ADGRV1: variants seen among roughly 807,000 people sequenced by gnomAD.
ADGRV1 encodes adhesion G protein-coupled receptor V1.
In ADGRV1, 359 loss-of-function variants were observed where a neutral mutation model predicts 596.2. That is an observed-to-expected ratio of 0.60 (90% CI 0.55 to 0.66). The LOEUF (loss-of-function observed/expected upper bound fraction) is 0.66, where lower values mean the gene tolerates loss of function less well. ADGRV1 is among the 30% of genes least tolerant of loss of function. The pLI is 0.00. For synonymous variants in ADGRV1, 2,681 were observed against 2,679.2 expected, an observed-to-expected ratio of 1.00 and a Z score of -0.02; for missense variants, 7,274 against 7,575.6, an observed-to-expected ratio of 0.96 and a Z score of 1.48.
At chr5:91,151,593 A>C (rs1325995802) in intron 88 of ADGRV1, among the ~76,000 whole-genome samples, 1 of 152,260 alleles carries the variant, frequency 6.6e-6, no homozygotes, top group African/African-American at 2.4e-5. Context: ...TCAAGAATTC[A>C]GAAATGAATC....
chr5:90,666,937 C>G (rs1771526103), intron 21 of ADGRV1, among the ~76,000 whole-genome samples: 5 of 151,790 alleles, frequency 3.3e-5, no homozygotes, highest in Admixed American at 3.3e-4. Context: ...TGAATATTGG[C>G]CCCCACTCTC....
Position 90,774,204 on chromosome 5 carries a change from A to T in ADGRV1, c.12304A>T (p.Ile4102Phe), listed in dbSNP as rs530625257. 6.2e-5 allele frequency: 100 copies of T among 1,606,064 alleles called. No individual in the cohort carries two copies. Among genetic ancestry groups the T allele is most frequent in the Non-Finnish European group, 8.1e-5 (95 of 1,174,140 alleles). The change falls in exon 60 of 90, where the codon ATT becomes TTT. Residue 4102 changes from isoleucine to phenylalanine, a missense_variant. Ile to Phe is a conservative substitution (Grantham distance 21). Around this residue, in one of 5 missense-constraint regions of ADGRV1, gnomAD observed 3,643 missense variants for 3,809.2 expected, o/e 0.96. Coordinates refer to ENST00000405460, the MANE Select transcript of ADGRV1 (RefSeq NM_032119.4). ...GATGTAGACTGAGTCCCAGAAGACC[A>T]TTGTGTTGCACACACTTCAAGACAC... Reference protein sequence around the residue: ...HFDETESQKTIVLHTLQDTVL... With the variant: ...HFDETESQKTFVLHTLQDTVL...
Position 90,985,508 on chromosome 5 carries a change from C to T in ADGRV1, c.18138C>T (p.Leu6046=), listed in dbSNP as rs758336074. Residue 6046 remains leucine (L), a synonymous_variant, in exon 85 of 90, where the codon CTC becomes CTT. Coordinates refer to ENST00000405460, the MANE Select transcript of ADGRV1 (RefSeq NM_032119.4). ...YHQSMSQIYG[L]IHGDLCFIPN... is the part of the protein sequence containing the mutation. ...AGAGCATGTCACAGATCTATGGACT[C>T]ATTCATGGTGACCTGTAAGTACACC... 1.9e-6 allele frequency: 3 copies of T among 1,613,498 alleles called. No individual in the cohort carries two copies. Among genetic ancestry groups the T allele is most frequent in the Non-Finnish European group, 2.5e-6 (3 of 1,179,514 alleles).
chr5:90,673,663 G>A (rs1169192001), intron 22 of ADGRV1, among the ~76,000 whole-genome samples: 1 of 152,084 alleles, frequency 6.6e-6, no homozygotes, highest in Non-Finnish European at 1.5e-5. Flanking sequence ...GGTGGAAGGG[G>A]CAAACAAACT....
intron 83 of ADGRV1, among the ~76,000 whole-genome samples, chr5:90,885,501 C>T (rs1418294856): frequency 6.6e-6 from 1 of 152,110 alleles, no homozygotes. Flanking sequence ...TACAAAACCT[C>T]CAGTTAAAGT....
intron 85 of ADGRV1, among the ~76,000 whole-genome samples, chr5:91,028,498 C>T (rs1784200286): frequency 6.6e-6 from 1 of 152,000 alleles, no homozygotes; most frequent in African/African-American, 2.4e-5. Context: ...TTGTCCGGCC[C>T]AATCCACACC....
intron 85 of ADGRV1, among the ~76,000 whole-genome samples, chr5:91,020,193 G>A (rs1452456413): frequency 7.2e-5 from 11 of 151,924 alleles, no homozygotes; most frequent in Admixed American, 7.2e-4. Context: ...AATTGTTCTT[G>A]TCAGGCTACC....
chr5:90,839,089 A>T (rs2438383), intron 77 of ADGRV1, among the ~76,000 whole-genome samples: 147,953 of 152,316 alleles, frequency 0.97, 71,984 homozygotes, highest in East Asian at 1. Context: ...ATGAATAATG[A>T]TAAATAAAAT....
At chr5:90,830,735 A>G (rs1387626594) in intron 77 of ADGRV1, among the ~76,000 whole-genome samples, 1 of 152,196 alleles carries the variant, frequency 6.6e-6, no homozygotes, top group Non-Finnish European at 1.5e-5. Flanking sequence ...TTAATTTTAT[A>G]TGTCAACTTG....
intron 1 of ADGRV1, among the ~76,000 whole-genome samples, chr5:90,580,500 A>C (rs963319602): frequency 2.7e-5 from 4 of 150,632 alleles, no homozygotes; most frequent in Non-Finnish European, 5.9e-5. Context: ...GTTTTATTTT[A>C]CTCTTTTTTC....
Position 90,810,399 on chromosome 5 carries a change from G to T in ADGRV1, c.15139G>T (p.Gly5047Ter). Residue 5047 changes from glycine to a stop codon, truncating the protein, a stop_gained, in exon 74 of 90, where the codon GGA becomes TGA. Coordinates refer to ENST00000405460, the MANE Select transcript of ADGRV1 (RefSeq NM_032119.4). LOFTEE classifies it high-confidence loss of function. ...TAAAGTTTCTTATCAGACCACTGCA[G>T]GAAGCGCCAAGCCACTGGAAGATTT... ...LIKVSYQTTAGSAKPLEDFEP... is the reference protein window; with the variant it reads ...LIKVSYQTTA 6.2e-7 allele frequency: 1 copy of T among 1,613,852 alleles called. No homozygotes were observed.
intron 83 of ADGRV1, among the ~76,000 whole-genome samples, chr5:90,958,841 A>C (rs1193273094): frequency 6.6e-6 from 1 of 152,200 alleles, no homozygotes; most frequent in African/African-American, 2.4e-5. Flanking sequence ...GGACTTCAAC[A>C]TGTGAATTTG....
chr5:91,107,777 A>G (rs1480720391), intron 87 of ADGRV1, among the ~76,000 whole-genome samples: 1 of 152,240 alleles, frequency 6.6e-6, no homozygotes, highest in African/African-American at 2.4e-5. Flanking sequence ...AGTCAGCAGT[A>G]ATTAAATAAA....
chr5:90,603,508 A>G (rs1415821469), intron 1 of ADGRV1, among the ~76,000 whole-genome samples: 1 of 152,152 alleles, frequency 6.6e-6, no homozygotes, highest in African/African-American at 2.4e-5. Flanking sequence ...CATGGTGCAC[A>G]GAGATGGATT....
intron 87 of ADGRV1, among the ~76,000 whole-genome samples, chr5:91,139,690 C>T (rs1794939765): frequency 6.6e-6 from 1 of 152,170 alleles, no homozygotes; most frequent in Admixed American, 6.5e-5. Context: ...ATTTAATGGA[C>T]CAAGTCAGAT....
rs115878037 is a variant in ADGRV1, at chr5:90,662,010, A to G, written c.4752+3732A>G. 4.7e-3 allele frequency among the ~76,000 whole-genome samples: 718 copies of G among 152,152 alleles called. 3 individuals carry two copies. The highest frequency in any genetic ancestry group is 1.0e-2 in the South Asian group (48 of 4,816). On this transcript the variant is annotated intron_variant, in intron 21 of 89. Coordinates refer to ENST00000405460, the MANE Select transcript of ADGRV1 (RefSeq NM_032119.4). ...CTCAGGACCCCATTCCTGGATCACA[A>G]TCTCTGGCTAGGGGAGAGGGGAAGT...
At chr5:91,042,567 G>A (rs1412385870) in intron 85 of ADGRV1, among the ~76,000 whole-genome samples, 1 of 151,980 alleles carries the variant, frequency 6.6e-6, no homozygotes, top group Non-Finnish European at 1.5e-5. Context: ...TTAAGTTCTG[G>A]GATACATGTG....
At chr5:90,590,308 C>T (rs966567841) in intron 1 of ADGRV1, among the ~76,000 whole-genome samples, 2 of 152,190 alleles carry the variant, frequency 1.3e-5, no homozygotes, top group Non-Finnish European at 2.9e-5. Context: ...ATCATAGTTG[C>T]AGCTCGATAA....
intron 28 of ADGRV1, among the ~76,000 whole-genome samples, chr5:90,684,596 G>T (rs956096519): frequency 6.6e-6 from 1 of 152,090 alleles, no homozygotes; most frequent in African/African-American, 2.4e-5. Flanking sequence ...CACGATTAAG[G>T]TGCCAGCAGA....
Sources: allele counts gnomAD v4.1 joint callset (sites outside exome capture counted in the v4.1 genomes callset), GRCh38; gene constraint gnomAD v4.1.1; regional missense constraint gnomAD v4.1.1; transcripts MANE v1.5; gene names NCBI Gene and HGNC (gene_info 2026-07-23, HGNC 2026-07-21).